NAA15: variants seen among roughly 807,000 people sequenced by gnomAD.
NAA15 encodes N-terminal acetyltransferase.
NAA15 carries 34 observed loss-of-function variants against 114.0 expected under a neutral mutation model. The ratio of observed to expected loss-of-function variants is 0.30; its 90% CI spans 0.23 to 0.40. The LOEUF (loss-of-function observed/expected upper bound fraction) is 0.40, where lower values mean the gene tolerates loss of function less well. NAA15 is among the 10% of genes least tolerant of loss of function. The pLI, the probability that NAA15 is intolerant of heterozygous loss-of-function variation, is 1.00. For missense variants in NAA15, 658 were observed against 1,004.5 expected (o/e 0.66, Z 4.66); for synonymous variants, 340 against 338.0 (o/e 1.01, Z -0.06).
intron 10 of NAA15, among the ~76,000 whole-genome samples, chr4:139,354,778 A>C (rs773588428): frequency 5.9e-5 from 9 of 152,228 alleles, no homozygotes; most frequent in Non-Finnish European, 1.0e-4. Context: ...TCTGAAGCAG[A>C]TCCAAACATC....
chr4:139,319,669 G>A (rs977320661), intron 1 of NAA15, among the ~76,000 whole-genome samples: 2 of 151,972 alleles, frequency 1.3e-5, no homozygotes, highest in Non-Finnish European at 2.9e-5. Flanking sequence ...CTGGGCTCAG[G>A]CAATCTGCCC....
chr4:139,316,467 G>A lies in NAA15; in HGVS notation c.54+14636G>A, dbSNP rs1016349849. Among the ~76,000 whole-genome samples the A allele has an allele frequency of 1.3e-5, 2 of 151,776 alleles. 1 individual carries two copies. The highest frequency in any genetic ancestry group is 2.9e-5 in the Non-Finnish European group (2 of 67,976). Reference sequence around the variant, plus strand: ...GTTTGTTCATGTTTTACAAGTTCCTGTTATTTGTCTACTCTGTTTAAAATT... The same window carrying A: ...GTTTGTTCATGTTTTACAAGTTCCTATTATTTGTCTACTCTGTTTAAAATT... On this transcript the variant is annotated intron_variant, in intron 1 of 19. Transcript: ENST00000296543.
At position 139,386,214 on chromosome 4, in the gene NAA15, C is replaced by T. The variant is rs767646448; in HGVS notation, c.2384C>T (p.Thr795Ile). 6.2e-7 allele frequency: 1 copy of T among 1,600,446 alleles called. No individual in the cohort carries two copies. Among genetic ancestry groups the T allele is most frequent in the South Asian group, 1.1e-5 (1 of 90,156 alleles). The change falls in exon 19 of 20, where the codon ACT becomes ATT. Residue 795 changes from threonine (T) to isoleucine (I), a missense_variant. Thr to Ile is a moderately conservative substitution (Grantham distance 89). Around this residue, in one of 6 missense-constraint regions of NAA15, gnomAD observed 275 missense variants for 371.1 expected, o/e 0.74. Transcript: ENST00000296543. ...GCAACAACACTTGATGAATCTCTCA[C>T]TAACAGAAACCTCCAGGTAAAGAGT... The part of the protein sequence containing the change: ...ELATTLDESL[T>I]NRNLQTCMEV...
At chr4:139,340,686 A>G (rs1747354884) in intron 3 of NAA15, among the ~76,000 whole-genome samples, 1 of 152,238 alleles carries the variant, frequency 6.6e-6, no homozygotes, top group Non-Finnish European at 1.5e-5. Flanking sequence ...CCAAGGTTAC[A>G]GAGCTGATAA....
intron 1 of NAA15, among the ~76,000 whole-genome samples, chr4:139,325,075 A>C (rs1319965830): frequency 6.6e-6 from 1 of 152,090 alleles, no homozygotes; most frequent in Non-Finnish European, 1.5e-5. Context: ...TGAAGTAAAA[A>C]GCTAACTGCT....
At chr4:139,331,078 A>G (rs1746985048) in intron 1 of NAA15, among the ~76,000 whole-genome samples, 1 of 152,144 alleles carries the variant, frequency 6.6e-6, no homozygotes, top group African/African-American at 2.4e-5. Context: ...TATCTTTTAG[A>G]GCACTTTTTT....
chr4:139,382,721 G>A (rs2111002575), intron 17 of NAA15, among the ~76,000 whole-genome samples: 1 of 152,216 alleles, frequency 6.6e-6, no homozygotes. Flanking sequence ...TGAAAGTACA[G>A]CCATAGTAGA....
intron 1 of NAA15, among the ~76,000 whole-genome samples, chr4:139,322,913 A>T (rs969070985): frequency 7.2e-5 from 11 of 151,760 alleles, no homozygotes; most frequent in Admixed American, 7.2e-4. Context: ...TTGGTCTCGA[A>T]CTCCTGACCT....
intron 6 of NAA15, among the ~76,000 whole-genome samples, chr4:139,345,413 A>C (rs1747548485): frequency 2.0e-5 from 3 of 152,182 alleles, no homozygotes; most frequent in Admixed American, 2.0e-4. Context: ...CTTGGGCCTC[A>C]AGTTTCTTTA....
intron 1 of NAA15, among the ~76,000 whole-genome samples, chr4:139,308,705 TC>T (rs1243768097): frequency 1.3e-5 from 2 of 152,080 alleles, no homozygotes; most frequent in Admixed American, 1.3e-4. Flanking sequence ...AACCTCCACC[TC>T]CCAGGTTCAA....
In NAA15 at chr4:139,316,603, G is replaced by A. The variant is rs979346037; in HGVS notation, c.54+14772G>A. On this transcript the variant is annotated intron_variant, in intron 1 of 19. Coordinates refer to ENST00000296543, the MANE Select transcript of NAA15 (RefSeq NM_057175.5). Reference sequence around the variant, plus strand: ...TCTTTTCTCTGTAAGCGTTTTTGATGTGTTTTCGTCTGCCCAAGTATTTTA... The same window carrying A: ...TCTTTTCTCTGTAAGCGTTTTTGATATGTTTTCGTCTGCCCAAGTATTTTA... Among the ~76,000 whole-genome samples the A allele has an allele frequency of 1.1e-4, 16 of 151,880 alleles. 1 individual carries two copies. Among genetic ancestry groups the A allele is most frequent in the Admixed American group, 2.0e-4 (3 of 15,236 alleles).
intron 15 of NAA15, among the ~76,000 whole-genome samples, chr4:139,371,629 A>G (rs1472406867): frequency 6.6e-6 from 1 of 151,904 alleles, no homozygotes; most frequent in African/African-American, 2.4e-5. Context: ...AACAAACACA[A>G]TACCTTTTTA....
chr4:139,331,745 A>G (rs561084009), intron 1 of NAA15, among the ~76,000 whole-genome samples: 2 of 151,780 alleles, frequency 1.3e-5, no homozygotes, highest in South Asian at 2.1e-4. Context: ...GATTACAAGC[A>G]TGAGCTATCA....
chr4:139,310,193 G>A (rs183640110), intron 1 of NAA15, among the ~76,000 whole-genome samples: 13 of 152,180 alleles, frequency 8.5e-5, no homozygotes, highest in Admixed American at 7.2e-4. Flanking sequence ...GGTGGCTCAC[G>A]CCTGTAATCC....
At chr4:139,323,231 A>G (rs750748862) in intron 1 of NAA15, among the ~76,000 whole-genome samples, 1 of 150,144 alleles carries the variant, frequency 6.7e-6, no homozygotes, top group Non-Finnish European at 1.5e-5. Context: ...TAATTGTTGT[A>G]TTTTTAGTAG....
At chr4:139,356,502 AT>A (rs1424735471) in intron 10 of NAA15, 1 of 152,116 alleles carries the variant, frequency 6.6e-6, no homozygotes, top group African/African-American at 2.4e-5. Flanking sequence ...TTTCCTACAT[AT>A]TTTACAAATG....
chr4:139,359,875 A>G lies in NAA15; in HGVS notation c.1390A>G (p.Met464Val), dbSNP rs202141041. Residue 464 changes from methionine to valine, a missense_variant, in exon 12 of 20, where the codon ATG becomes GTG. By Grantham distance (21) the Met-to-Val change is conservative (BLOSUM62 1). Coordinates refer to ENST00000296543, the MANE Select transcript of NAA15 (RefSeq NM_057175.5). Reference protein sequence around the residue: ...KANLIKEAEEMCSKFTREGTS... With the variant: ...KANLIKEAEEVCSKFTREGTS... ...CAACCTGATTAAAGAAGCTGAAGAA[A>G]TGTGCTCAAAGTTTACAAGGGTTTG... is the stretch of plus-strand genomic sequence containing the variant. The G allele has an allele frequency of 6.3e-6, 10 of 1,595,930 alleles. No individual in the cohort carries two copies. The highest frequency in any genetic ancestry group is 8.5e-6 in the Non-Finnish European group (10 of 1,176,226).
chr4:139,378,343 G>A (rs1748648666), intron 16 of NAA15, among the ~76,000 whole-genome samples: 1 of 152,146 alleles, frequency 6.6e-6, no homozygotes, highest in South Asian at 2.1e-4. Flanking sequence ...AGATTGACAG[G>A]AGAGGAACAG....
intron 3 of NAA15, among the ~76,000 whole-genome samples, chr4:139,339,246 C>A (rs1243359734): frequency 1.3e-5 from 2 of 152,188 alleles, no homozygotes; most frequent in Non-Finnish European, 2.9e-5. Context: ...CCCATAATCC[C>A]AGCACTTTGG....
Sources: gnomAD v4.1 joint callset for allele counts (sites outside exome capture counted in the v4.1 genomes callset) on GRCh38, gnomAD v4.1.1 for gene constraint, gnomAD v4.1.1 regional missense constraint, MANE v1.5 for transcripts, NCBI Gene and HGNC (gene_info 2026-07-23, HGNC 2026-07-21) for gene names.